The following NBPF8 variants were observed in gnomAD, a reference collection of about 807,000 sequenced individuals.
The protein encoded by NBPF8 is NBPF family member NBPF8.
Position 120,420,112 on chromosome 1 carries a change from C to G in NBPF8, n.263C>G, listed in dbSNP as rs1369460690. On this transcript the variant is annotated non_coding_transcript_exon_variant, in exon 1 of 29. The change creates a new upstream start codon in the 5' untranslated region. Transcript: ENST00000652355. ...TGGGCCGAATGAAGAGCTGCCAGAT[C>G]CCACAGGTAAAAACCCTGAGGCATT... Among the ~76,000 whole-genome samples the G allele has an allele frequency of 2.3e-5, 3 of 133,010 alleles. No individual in the cohort carries two copies. The highest frequency in any genetic ancestry group is 2.2e-4 in the Admixed American group (3 of 13,350). 87.3% of individuals were successfully genotyped at this position (133,010 alleles called of 152,430 possible).
chr1:120,435,911 A>AT (rs1241847919), upstream of NBPF8, among the ~76,000 whole-genome samples: 16 of 151,302 alleles, frequency 1.1e-4, no homozygotes, highest in Non-Finnish European at 2.1e-4. Context: ...AAATGATTCC[A>AT]TTTTTTTATT....
intron 19 of NBPF8, 125 bp from the exon 18 acceptor site, chr1:120,462,021 T>C: frequency 2.9e-6 from 1 of 346,128 alleles, no homozygotes; most frequent in East Asian, 6.2e-5. Flanking sequence ...CTGAAGAATA[T>C]CTCTCACAGT....
At chr1:120,422,802 G>C (rs1404494889) in intron 1 of NBPF8, among the ~76,000 whole-genome samples, 5 of 109,056 alleles carry the variant, frequency 4.6e-5, no homozygotes, top group African/African-American at 2.5e-4. Context: ...ACAGCATTTG[G>C]TGTGTTCACC....
chr1:120,436,660 A>C, exon 1 of NBPF8: 1 of 1,601,434 alleles, frequency 6.2e-7, no homozygotes, highest in Non-Finnish European at 8.5e-7. Context: ...TTCTAACTCA[A>C]CTGGCCGGCT....
chr1:120,456,341 A>T (rs1661435658), intron 16 of NBPF8, among the ~76,000 whole-genome samples: 1 of 149,968 alleles, frequency 6.7e-6, no homozygotes, highest in South Asian at 2.1e-4. Context: ...TGTCTCATTG[A>T]TCTGTCTAAT....
At chr1:120,467,877 C>T (rs1661783623), downstream of NBPF8, 2 of 151,996 alleles carry the variant, frequency 1.3e-5, no homozygotes, top group Non-Finnish European at 2.9e-5. Flanking sequence ...ACATTGTAGG[C>T]TATGTTTACC....
At chr1:120,421,433 T>G (rs1276250134) in intron 1 of NBPF8, among the ~76,000 whole-genome samples, 1 of 149,018 alleles carries the variant, frequency 6.7e-6, no homozygotes, top group Non-Finnish European at 1.5e-5. Flanking sequence ...TTTCCCTCCC[T>G]CCTTCCCTTC....
intron 3 of NBPF8, among the ~76,000 whole-genome samples, chr1:120,430,483 C>T (rs1380884746): frequency 1.8e-5 from 2 of 109,990 alleles, no homozygotes; most frequent in African/African-American, 4.8e-5. Context: ...GACGGGGCAC[C>T]GTGGCTCACA....
upstream of NBPF8, among the ~76,000 whole-genome samples, chr1:120,419,622 C>T (rs1660520689): frequency 6.6e-6 from 1 of 151,526 alleles, no homozygotes; most frequent in African/African-American, 2.4e-5. Flanking sequence ...CCATGCTGGG[C>T]CAATTTTTCA....
chr1:120,455,851 T>C (rs1661421756), intron 16 of NBPF8, among the ~76,000 whole-genome samples: 1 of 152,236 alleles, frequency 6.6e-6, no homozygotes, highest in African/African-American at 2.4e-5. Flanking sequence ...GTTATTTTAA[T>C]TGTGATGTTA....
At position 120,463,071 on chromosome 1, in the gene NBPF8, G is replaced by T; in HGVS notation, n.3234+105G>T. 4 of 667,878 alleles carry T rather than the reference G, an allele frequency of 6.0e-6. No homozygotes were observed. The Admixed American group carries it at 7.3e-5, about 12-fold the overall frequency. The allele number at this position is 667,878 out of a possible 1,614,324, so 41.4% of individuals were successfully genotyped here. The stretch of plus-strand genomic sequence containing the variant: ...TACTGACCCGAGAGATGTCATTGCC[G>T]CAGGCAGGACCTATGGGCGCATATA... On this transcript the variant is annotated intron_variant and non_coding_transcript_variant, in intron 21 of 24. Coordinates refer to ENST00000583271, the Ensembl canonical transcript of NBPF8.
chr1:120,466,161 TAC>T (rs1661742797), exon 25 of NBPF8: 1 of 1,609,822 alleles, frequency 6.2e-7, no homozygotes, highest in African/African-American at 1.3e-5. Context: ...ATAGGTTCTT[TAC>T]TTTGACGGTG....
chr1:120,449,869 C>T (rs1262877808), intron 11 of NBPF8, among the ~76,000 whole-genome samples: 10 of 152,132 alleles, frequency 6.6e-5, no homozygotes, highest in African/African-American at 2.4e-4. Context: ...AGTACCTGCT[C>T]TGAGGGCTTC....
chr1:120,460,428 A>G (rs1661547514), intron 17 of NBPF8, 145 bp from the exon 16 acceptor site: 7 of 756,004 alleles, frequency 9.3e-6, no homozygotes, highest in Admixed American at 1.7e-5. Flanking sequence ...ACTTGACCTC[A>G]GGCCTACTGG....
intron 21 of NBPF8, among the ~76,000 whole-genome samples, chr1:120,463,170 G>A (rs1213609109): frequency 6.7e-6 from 1 of 148,682 alleles, no homozygotes; most frequent in African/African-American, 2.5e-5. Context: ...TCTATTCCTA[G>A]TCTCCAGCCA....
chr1:120,419,490 A>AT (rs1370432148), upstream of NBPF8, among the ~76,000 whole-genome samples: 26 of 150,402 alleles, frequency 1.7e-4, 1 homozygote, highest in Non-Finnish European at 3.3e-4. Context: ...AGGACTCTTT[A>AT]TTTTTTTTTC....
In NBPF8 at chr1:120,424,505, C is replaced by G. The variant is rs1407325231; in HGVS notation, n.270-1242C>G. On this transcript the variant is annotated intron_variant and non_coding_transcript_variant, in intron 1 of 28. Coordinates refer to the NBPF8 transcript ENST00000652355. ...CTCTTTTCCTTGGGCTCAAATGCAA[C>G]GGCGCCATCTCAGCTCACTGCAACC... is the stretch of plus-strand genomic sequence containing the variant. 2.0e-5 allele frequency among the ~76,000 whole-genome samples: 3 copies of G among 152,002 alleles called. No homozygotes were observed. In the East Asian group the frequency reaches 5.8e-4, roughly 29 times the overall value.
chr1:120,465,816 G>A, intron 24 of NBPF8, among the ~76,000 whole-genome samples, 162 bp from the exon 23 acceptor site: 1 of 152,056 alleles, frequency 6.6e-6, no homozygotes, highest in African/African-American at 2.4e-5. Flanking sequence ...TTTCTACCTG[G>A]CCCTGTTCTA....
chr1:120,454,181 G>T (rs1456293887), intron 15 of NBPF8, 67 bp downstream of exon 13: 1 of 1,498,808 alleles, frequency 6.7e-7, no homozygotes, highest in East Asian at 2.3e-5. Context: ...CTGAAGACAG[G>T]CTCTATAAAC....
Sources: gnomAD v4.1 joint callset for allele counts (sites outside exome capture counted in the v4.1 genomes callset) on GRCh38, gnomAD v4.1.1 for gene constraint, MANE v1.5 for transcripts, NCBI Gene and HGNC (gene_info 2026-07-23, HGNC 2026-07-21) for gene names.